AATK: variants seen among roughly 807,000 people sequenced by gnomAD.
AATK encodes serine/threonine-protein kinase LMTK1.
Under a neutral mutation model 114.3 loss-of-function variants are expected in AATK, and 91 were observed. That is an observed-to-expected ratio of 0.80 (90% confidence interval 0.67 to 0.95). AATK has a LOEUF of 0.95. AATK is among the 40% of genes least tolerant of loss of function. AATK has a pLI of 0.00. For missense variants in AATK, 2,176 were observed against 1,965.2 expected (o/e 1.11, Z -2.03); for synonymous variants, 1,075 against 916.5 (o/e 1.17, Z -3.12).
chr17:81,134,473 C>A lies in AATK; in HGVS notation c.84G>T (p.Trp28Cys). ...CAGCCACCACGGCGAGGGAGGATGG[C>A]CAGGACAGCTCGCTGAGCGGGGCGC... ...PDGAPLSELS[W>C]PSSLAVVAVS... Residue 28 changes from tryptophan to cysteine, a missense_variant, in exon 2 of 14, where the codon TGG becomes TGT. Physicochemically the swap from Trp to Cys is radical, Grantham distance 215. Transcript: ENST00000326724. 2 of 1,612,958 alleles carry A rather than the reference C, an allele frequency of 1.2e-6. No individual in the cohort carries two copies. Among genetic ancestry groups the A allele is most frequent in the Non-Finnish European group, 1.7e-6 (2 of 1,179,700 alleles).
rs768371629 is a variant in AATK at position 81,122,209 on chromosome 17, G to A, written c.1727C>T (p.Pro576Leu). The A allele has an allele frequency of 2.9e-5, 43 of 1,499,294 alleles. No homozygotes were observed. The Middle Eastern group carries it at 1.7e-3, about 58-fold the overall frequency. The allele number at this position is 1,499,294 out of a possible 1,614,324, so 92.9% of individuals were successfully genotyped here. A position where few individuals can be genotyped will look rare whatever the true frequency, so the allele number is the denominator to read the frequency against. Residue 576 changes from proline to leucine, a missense_variant, in exon 11 of 14, where the codon CCG (proline) becomes CTG (leucine). Coordinates refer to ENST00000326724, the MANE Select transcript of AATK (RefSeq NM_001080395.3). ...GACGGGTGGCCCGTGGCCCAGCAGC[G>A]GCTCCATGGCCAGCGAGGCGGCGGT... is the stretch of plus-strand genomic sequence containing the variant. ...GSTAASLAME[P>L]LLGHGPPVDV...
rs60186214 is a variant in AATK at position 81,154,803 on chromosome 17, T to G, written c.55+11135A>C. Reference sequence around the variant, plus strand: ...CGCCATCACACCCGGCTAATTTTTGTATTTTTAGTAGAGACGGGGTTTCAA... The same window carrying G: ...CGCCATCACACCCGGCTAATTTTTGGATTTTTAGTAGAGACGGGGTTTCAA... On this transcript the variant is annotated intron_variant, in intron 1 of 13. Coordinates refer to ENST00000326724, the MANE Select transcript of AATK (RefSeq NM_001080395.3). Among the ~76,000 whole-genome samples the G allele has an allele frequency of 9.7e-4, 110 of 113,346 alleles. 13 individuals are homozygous for G. Among genetic ancestry groups the G allele is most frequent in the African/African-American group, 3.1e-3 (65 of 20,648 alleles). The allele number at this position is 113,346 out of a possible 152,430, so 74.4% of individuals were successfully genotyped here. A position where few individuals can be genotyped will look rare whatever the true frequency, so the allele number is the denominator to read the frequency against.
At position 81,121,575 on chromosome 17, in the gene AATK, C is replaced by A. The variant is rs1255452726; in HGVS notation, c.2361G>T (p.Glu787Asp). 6.6e-7 allele frequency: 1 copy of A among 1,511,102 alleles called. No homozygotes were observed. Among genetic ancestry groups the A allele is most frequent in the South Asian group, 1.3e-5 (1 of 75,724 alleles). 93.6% of individuals were successfully genotyped at this position (1,511,102 alleles called of 1,614,324 possible). A position where few individuals can be genotyped will look rare whatever the true frequency, so the allele number is the denominator to read the frequency against. The change falls in exon 11 of 14, where the codon GAG (glutamate) becomes GAT (aspartate). Residue 787 changes from glutamate (E) to aspartate (D), a missense_variant. By Grantham distance (45) the Glu-to-Asp change is conservative. Transcript: ENST00000326724. The part of the protein sequence containing the change: ...QAEPKLATEA[E>D]GTTGPRLPLP... ...GGGGCAGGCGGGGTCCGGTAGTGCC[C>A]TCAGCCTCCGTGGCAAGCTTGGGCT...
chr17:81,138,528 G>C (rs1194726445), intron 1 of AATK, among the ~76,000 whole-genome samples: 2 of 138,748 alleles, frequency 1.4e-5, no homozygotes, highest in East Asian at 4.4e-4. Flanking sequence ...CCACACACGT[G>C]CACATACACG....
chr17:81,123,818 C>T (rs913711431), intron 9 of AATK, among the ~76,000 whole-genome samples: 36 of 151,788 alleles, frequency 2.4e-4, no homozygotes, highest in African/African-American at 4.1e-4. Context: ...GTGCACAGAG[C>T]GTGCAGGCGG....
intron 1 of AATK, among the ~76,000 whole-genome samples, chr17:81,138,258 GACAT>G (rs1202988504): frequency 2.5e-5 from 3 of 119,144 alleles, no homozygotes; most frequent in Non-Finnish European, 3.5e-5. Context: ...CATGCACAGA[GACAT>G]ACCCACATGC....
chr17:81,162,896 T>C (rs1414659998), intron 1 of AATK, among the ~76,000 whole-genome samples: 1 of 152,148 alleles, frequency 6.6e-6, no homozygotes, highest in Non-Finnish European at 1.5e-5. Flanking sequence ...CTCCAAGCCC[T>C]GCCCACTGGT....
In AATK at chr17:81,131,095, G is replaced by C. The variant is rs1042002992; in HGVS notation, c.300C>G (p.Val100=). ...CAGGCTGCTTGGCCATGGGCAAGGAGACCTCCGTGAGTGGCAGGACGTACA... is the reference window on the plus strand; with the variant it reads ...CAGGCTGCTTGGCCATGGGCAAGGACACCTCCGTGAGTGGCAGGACGTACA... ...PDVYVLPLTE[V]SLPMAKQPGR... is the part of the protein sequence containing the mutation. Residue 100 remains valine, a synonymous_variant, in exon 3 of 14, where the codon GTC becomes GTG. Coordinates refer to ENST00000326724, the MANE Select transcript of AATK (RefSeq NM_001080395.3). 47 of 1,557,352 alleles carry C rather than the reference G, an allele frequency of 3.0e-5. No homozygotes were observed. Among genetic ancestry groups the C allele is most frequent in the Non-Finnish European group, 3.9e-5 (45 of 1,150,922 alleles).
rs2060658610 is a variant in AATK at position 81,119,415 on chromosome 17, GTGA to G, written c.4046_4048del (p.Ile1349del). The stretch of plus-strand genomic sequence containing the variant: ...CTCGGCGTCCGAGTCAGACACGTGC[GTGA>G]TGGAGAAGCGGGACGTGGGCGCGGG... On this transcript the variant is annotated inframe_deletion, in exon 13 of 14. Transcript: ENST00000326724. The G allele has an allele frequency of 1.9e-6, 3 of 1,545,252 alleles. No individual in the cohort carries two copies. Among genetic ancestry groups the G allele is most frequent in the Non-Finnish European group, 2.6e-6 (3 of 1,152,740 alleles).
intron 1 of AATK, among the ~76,000 whole-genome samples, chr17:81,138,156 C>T (rs2061048223): frequency 6.6e-6 from 1 of 150,992 alleles, no homozygotes; most frequent in Non-Finnish European, 1.5e-5. Flanking sequence ...CGCGCACGCC[C>T]ACATGCACAC....
At chr17:81,136,987 G>A (rs2061020211) in intron 1 of AATK, among the ~76,000 whole-genome samples, 1 of 152,178 alleles carries the variant, frequency 6.6e-6, no homozygotes, top group African/African-American at 2.4e-5. Flanking sequence ...GCCGGGCGCG[G>A]TGGCTCATGC....
chr17:81,157,013 A>G (rs1277415714), intron 1 of AATK, among the ~76,000 whole-genome samples: 1 of 152,182 alleles, frequency 6.6e-6, no homozygotes, highest in East Asian at 1.9e-4. Flanking sequence ...GTGCCCCCAC[A>G]GGCCCTGGTG....
intron 1 of AATK, among the ~76,000 whole-genome samples, chr17:81,138,325 A>G (rs972985729): frequency 2.0e-5 from 3 of 148,654 alleles, no homozygotes; most frequent in African/African-American, 7.5e-5. Context: ...GTGCACACAT[A>G]CCCACACATG....
rs964004247 is a variant in AATK at position 81,160,382 on chromosome 17, C to A, written c.55+5556G>T. The A allele has an allele frequency of 1.1e-5, 4 of 377,484 alleles. No individual in the cohort carries two copies. The Admixed American group carries it at 2.6e-4, about 24-fold the overall frequency. 23.4% of individuals were successfully genotyped at this position (377,484 alleles called of 1,614,324 possible). A position where few individuals can be genotyped will look rare whatever the true frequency, so the allele number is the denominator to read the frequency against. ...GGTCCCTGCGGAGGGAGGCTGGAGA[C>A]CCGGCGAGGACGCCGCCTCCCGTGA... On this transcript the variant is annotated intron_variant, in intron 1 of 13. Coordinates refer to ENST00000326724, the MANE Select transcript of AATK (RefSeq NM_001080395.3).
intron 1 of AATK, among the ~76,000 whole-genome samples, chr17:81,143,805 C>A (rs2061175902): frequency 6.6e-6 from 1 of 152,244 alleles, no homozygotes; most frequent in African/African-American, 2.4e-5. Flanking sequence ...GAACCTTGGG[C>A]CCTGCCTGCC....
intron 1 of AATK, among the ~76,000 whole-genome samples, chr17:81,148,574 T>A (rs1012294292): frequency 2.0e-5 from 3 of 152,224 alleles, no homozygotes; most frequent in Non-Finnish European, 4.4e-5. Context: ...ATGAGGTACC[T>A]GGGGATGAGC....
At chr17:81,123,468 G>T (rs1334305992) in intron 9 of AATK, 125 bp from the exon 10 acceptor site, 16 of 879,452 alleles carry the variant, frequency 1.8e-5, no homozygotes, top group Admixed American at 4.2e-5. Flanking sequence ...ACCGGGGCCT[G>T]GTACCATACC....
At chr17:81,158,636 C>T (rs974799180) in intron 1 of AATK, among the ~76,000 whole-genome samples, 1 of 152,170 alleles carries the variant, frequency 6.6e-6, no homozygotes, top group Non-Finnish European at 1.5e-5. Flanking sequence ...GGCTGCCCGA[C>T]ACCAGGTACA....
intron 1 of AATK, among the ~76,000 whole-genome samples, chr17:81,137,345 A>G (rs1472934982): frequency 6.6e-6 from 1 of 151,718 alleles, no homozygotes. Context: ...TGTCCAGGAC[A>G]CCAGTGCGCC....
Sources: gnomAD v4.1 joint callset for allele counts (sites outside exome capture counted in the v4.1 genomes callset) on GRCh38, gnomAD v4.1.1 for gene constraint, MANE v1.5 for transcripts, NCBI Gene and HGNC (gene_info 2026-07-23, HGNC 2026-07-21) for gene names.